Variants in WHRN observed in about 807,000 individuals in gnomAD.
WHRN encodes the protein whirlin.
In WHRN, 41 loss-of-function variants were observed where a neutral mutation model predicts 68.3. The ratio of observed to expected loss-of-function variants is 0.60; its 90% CI spans 0.47 to 0.78. The LOEUF is 0.78. Among genes scored for constraint, WHRN ranks in the 30% least tolerant of loss-of-function variants. The probability of loss-of-function intolerance (pLI) is 0.00; values close to 1 mark genes in which losing one functional copy is unlikely to be tolerated. For synonymous variants in WHRN, 560 were observed against 561.3 expected (o/e 1.00, Z 0.03); for missense variants, 1,243 against 1,244.7 (o/e 1.00, Z 0.02).
intron 3 of WHRN, among the ~76,000 whole-genome samples, chr9:114,459,541 T>G (rs577198849): frequency 6.6e-6 from 1 of 152,214 alleles, no homozygotes; most frequent in Non-Finnish European, 1.5e-5. Context: ...TGGTACATAC[T>G]TAGCACAGGG....
intron 1 of WHRN, among the ~76,000 whole-genome samples, chr9:114,485,529 A>G (rs1308923281): frequency 6.6e-6 from 1 of 151,926 alleles, no homozygotes; most frequent in East Asian, 1.9e-4. Flanking sequence ...CGTCTCTACT[A>G]AAAATACAAA....
intron 1 of WHRN, among the ~76,000 whole-genome samples, chr9:114,496,274 A>G (rs1012907676): frequency 1.3e-5 from 2 of 152,182 alleles, no homozygotes; most frequent in African/African-American, 4.8e-5. Context: ...CCACATTGCT[A>G]TAAGGCCTCA....
chr9:114,452,540 A>G lies in WHRN; in HGVS notation c.963+13727T>C, dbSNP rs190160009. Among the ~76,000 whole-genome samples, 40 of 152,338 alleles carry G rather than the reference A, an allele frequency of 2.6e-4. No individual in the cohort carries two copies. The East Asian group carries it at 6.9e-3, about 26-fold the overall frequency. ...CTCCAAAGCTCCTATCTTGAGCACT[A>G]TCTCCTTTGCATCCTGGCCTGAACA... On this transcript the variant is annotated intron_variant, in intron 3 of 11. Coordinates refer to ENST00000362057, the MANE Select transcript of WHRN (RefSeq NM_015404.4).
At chr9:114,431,112 G>A (rs906047643) in intron 3 of WHRN, among the ~76,000 whole-genome samples, 2 of 152,160 alleles carry the variant, frequency 1.3e-5, no homozygotes, top group African/African-American at 2.4e-5. Context: ...GTGTCACCCC[G>A]TGTGGCCAGT....
At chr9:114,466,052 C>T (rs764079706) in intron 3 of WHRN, among the ~76,000 whole-genome samples, 41 of 152,352 alleles carry the variant, frequency 2.7e-4, no homozygotes, top group South Asian at 6.2e-4. Context: ...AACAGCAGCA[C>T]GACAAGTTCG....
intron 3 of WHRN, among the ~76,000 whole-genome samples, chr9:114,443,178 G>A (rs1341283145): frequency 1.3e-5 from 2 of 152,228 alleles, no homozygotes; most frequent in African/African-American, 4.8e-5. Flanking sequence ...CTCCCAAGGG[G>A]AAGAGCTATA....
chr9:114,425,814 G>T, intron 4 of WHRN: 1 of 305,970 alleles, frequency 3.3e-6, no homozygotes, highest in South Asian at 3.5e-5. Context: ...ATTTCTTCAT[G>T]GGATCCAGCC....
intron 1 of WHRN, among the ~76,000 whole-genome samples, chr9:114,485,453 G>A (rs1842403295): frequency 6.6e-6 from 1 of 152,200 alleles, no homozygotes; most frequent in Non-Finnish European, 1.5e-5. Context: ...CACTTTGGGA[G>A]GCCGAGGCGG....
chr9:114,458,669 G>T lies in WHRN; in HGVS notation c.963+7598C>A, dbSNP rs188132278. The stretch of plus-strand genomic sequence containing the variant: ...GTTGGAGCACTGCAGGCACTTTGGT[G>T]GGCACCAGGTGCTGGCAACCCATGG... On this transcript the variant is annotated intron_variant, in intron 3 of 11. Coordinates refer to ENST00000362057, the MANE Select transcript of WHRN (RefSeq NM_015404.4). Among the ~76,000 whole-genome samples the T allele has an allele frequency of 1.5e-3, 234 of 152,242 alleles. 2 individuals are homozygous for T. The highest frequency in any genetic ancestry group is 5.4e-3 in the African/African-American group (224 of 41,540).
chr9:114,408,279 G>C (rs932781953), intron 7 of WHRN, among the ~76,000 whole-genome samples: 1 of 152,192 alleles, frequency 6.6e-6, no homozygotes, highest in Non-Finnish European at 1.5e-5. Flanking sequence ...AGATGCTGGG[G>C]CATCTCTAGC....
chr9:114,443,913 C>T (rs551067423), intron 3 of WHRN, among the ~76,000 whole-genome samples: 3 of 152,226 alleles, frequency 2.0e-5, no homozygotes, highest in Admixed American at 6.5e-5. Flanking sequence ...GTGAAAGGCA[C>T]GTCTTACATG....
intron 1 of WHRN, among the ~76,000 whole-genome samples, chr9:114,495,018 G>GTACTGAGGTTGCACCTAGGACA (rs1564233070): frequency 6.6e-6 from 1 of 152,224 alleles, no homozygotes; most frequent in Non-Finnish European, 1.5e-5. Context: ...TGGAGAGGAC[G>GTACTGAGGTTGCACCTAGGACA]TACTGAGGTT....
Position 114,426,257 on chromosome 9 carries a change from A to G in WHRN, c.1120T>C (p.Trp374Arg), listed in dbSNP as rs775038198. ...HARTTVDETK[W>R]IASSRIRETM... The stretch of plus-strand genomic sequence containing the variant: ...TCCCTGATCCGGGAACTGGCGATCC[A>G]CTTGGTCTCGTCCACAGTGGTGCGG... Residue 374 changes from tryptophan to arginine, a missense_variant, in exon 4 of 12, where the codon TGG becomes CGG. Physicochemically the swap from Trp to Arg is moderately radical, Grantham distance 101. Coordinates refer to ENST00000362057, the MANE Select transcript of WHRN (RefSeq NM_015404.4). 9 of 1,612,920 alleles carry G rather than the reference A, an allele frequency of 5.6e-6. No individual in the cohort carries two copies. The South Asian group carries it at 9.9e-5, about 18-fold the overall frequency.
At chr9:114,475,195 C>G (rs546257233) in intron 2 of WHRN, among the ~76,000 whole-genome samples, 1 of 152,158 alleles carries the variant, frequency 6.6e-6, no homozygotes, top group East Asian at 1.9e-4. Context: ...AAGGTTTGAA[C>G]CCAGGCAGCC....
intron 3 of WHRN, among the ~76,000 whole-genome samples, chr9:114,445,017 T>C (rs1838700916): frequency 6.6e-6 from 1 of 151,888 alleles, no homozygotes; most frequent in Admixed American, 6.6e-5. Context: ...TACTTTACTT[T>C]TGAACTCAGG....
rs765742359 is a variant in WHRN at position 114,406,674 on chromosome 9, G to A, written c.1917C>T (p.Thr639=). Residue 639 remains threonine, a synonymous_variant, in exon 9 of 12, where the codon ACC becomes ACT. Coordinates refer to ENST00000362057, the MANE Select transcript of WHRN (RefSeq NM_015404.4). ...AAGAGGGCAAGTCCTGTGCAGAGGA[G>A]GTCCCTGGGGTGGGTGCGGTGCCCG... ...PPAGTAPTPG[T]SSAQDLPSSP... is the part of the protein sequence containing the mutation. 1 of 1,613,988 alleles carries A rather than the reference G, an allele frequency of 6.2e-7. No individual in the cohort carries two copies. Among genetic ancestry groups the A allele is most frequent in the Non-Finnish European group, 8.5e-7 (1 of 1,180,028 alleles).
At position 114,504,500 on chromosome 9, in the gene WHRN, G is replaced by A; in HGVS notation, c.302C>T (p.Ser101Phe). ...LPMLRLVIPR[S>F]DQLLFDQYTA... Reference sequence around the variant, plus strand: ...GTATTGGTCGAAGAGCAGCTGGTCGGAGCGCGGGATGACCAGACGAAGCAT... The same window carrying A: ...GTATTGGTCGAAGAGCAGCTGGTCGAAGCGCGGGATGACCAGACGAAGCAT... The change falls in exon 1 of 12, where the codon TCC (serine) becomes TTC (phenylalanine). Residue 101 changes from serine to phenylalanine, a missense_variant. Ser to Phe is a radical substitution (Grantham distance 155, BLOSUM62 -2). Transcript: ENST00000362057. 1 of 1,609,230 alleles carries A rather than the reference G, an allele frequency of 6.2e-7. No individual in the cohort carries two copies. Among genetic ancestry groups the A allele is most frequent in the Non-Finnish European group, 8.5e-7 (1 of 1,179,790 alleles).
chr9:114,451,482 C>G (rs1839326789), intron 3 of WHRN, among the ~76,000 whole-genome samples: 2 of 152,086 alleles, frequency 1.3e-5, no homozygotes, highest in Non-Finnish European at 2.9e-5. Context: ...AGCAAATCAT[C>G]AATAAATAGT....
Position 114,477,107 on chromosome 9 carries a change from C to A in WHRN, c.837+1446G>T, listed in dbSNP as rs369237092. 9.1e-4 allele frequency among the ~76,000 whole-genome samples: 139 copies of A among 152,332 alleles called. 5 individuals are homozygous for A. Among genetic ancestry groups the A allele is most frequent in the African/African-American group, 3.3e-3 (137 of 41,570 alleles). On this transcript the variant is annotated intron_variant, in intron 2 of 11. Coordinates refer to ENST00000362057, the MANE Select transcript of WHRN (RefSeq NM_015404.4). ...GCGGCCCGGGCTGCTGTGGTGCATACCAACAAGCTACCTGCTGCCGCTCAC... is the reference window on the plus strand; with the variant it reads ...GCGGCCCGGGCTGCTGTGGTGCATAACAACAAGCTACCTGCTGCCGCTCAC...
Sources: allele counts gnomAD v4.1 joint callset (sites outside exome capture counted in the v4.1 genomes callset), GRCh38; gene constraint gnomAD v4.1.1; transcripts MANE v1.5; gene names NCBI Gene and HGNC (gene_info 2026-07-23, HGNC 2026-07-21).